Variants in SULT1B1 observed in about 807,000 individuals in gnomAD.
The protein encoded by SULT1B1 is sulfotransferase 1B1.
Under a neutral mutation model 34.6 loss-of-function variants are expected in SULT1B1, and 28 were observed. The observed-to-expected ratio is 0.81, with a 90% CI of 0.60 to 1.11. SULT1B1 has a LOEUF of 1.11. SULT1B1 is among the 50% of genes least tolerant of loss of function. SULT1B1 has a pLI of 0.00. For synonymous variants in SULT1B1, 147 were observed against 110.2 expected (o/e 1.33, Z -2.09); for missense variants, 374 against 352.2 (o/e 1.06, Z -0.50).
At chr4:69,742,208 G>T (rs954109223) in intron 4 of SULT1B1, among the ~76,000 whole-genome samples, 1 of 152,102 alleles carries the variant, frequency 6.6e-6, no homozygotes, top group African/African-American at 2.4e-5. Context: ...TTTGCATTCT[G>T]GGAATAAAGC....
rs145035611 is a variant in SULT1B1, at chr4:69,727,155, T to C, written c.824A>G (p.Glu275Gly). The C allele has an allele frequency of 6.2e-7, 1 of 1,611,996 alleles. No individual in the cohort carries two copies. Among genetic ancestry groups the C allele is most frequent in the African/African-American group, 1.3e-5 (1 of 74,904 alleles). ...TGTCTCATAAATAGCATCAAATTTC[T>C]CATTTTGGGCCACGGTGAAGTAATT... is the stretch of plus-strand genomic sequence containing the variant. Reference protein sequence around the residue: ...WKNYFTVAQNEKFDAIYETEM... With the variant: ...WKNYFTVAQNGKFDAIYETEM... Residue 275 changes from glutamate to glycine, a missense_variant, in exon 8 of 8, where the codon GAG becomes GGG. By Grantham distance (98) the Glu-to-Gly change is moderately conservative (BLOSUM62 -2). Coordinates refer to ENST00000310613, the MANE Select transcript of SULT1B1 (RefSeq NM_014465.4).
At chr4:69,746,674 G>T (rs544619934) in intron 4 of SULT1B1, among the ~76,000 whole-genome samples, 21 of 152,108 alleles carry the variant, frequency 1.4e-4, no homozygotes, top group African/African-American at 5.1e-4. Context: ...TGACATCTAG[G>T]TTCTGAATTT....
At chr4:69,756,239 AT>A (rs1220851140) in intron 1 of SULT1B1, among the ~76,000 whole-genome samples, 2 of 151,716 alleles carry the variant, frequency 1.3e-5, no homozygotes, top group South Asian at 2.1e-4. Flanking sequence ...CAATTGATTG[AT>A]TTTTTTCTCA....
At chr4:69,750,297 T>A (rs1467428858) in intron 3 of SULT1B1, among the ~76,000 whole-genome samples, 1 of 152,174 alleles carries the variant, frequency 6.6e-6, no homozygotes, top group East Asian at 1.9e-4. Flanking sequence ...TAATATCAGC[T>A]GTTTTATCTA....
chr4:69,747,837 T>C (rs75308407), intron 4 of SULT1B1, among the ~76,000 whole-genome samples: 7,070 of 152,158 alleles, frequency 0.046, 235 homozygotes, highest in East Asian at 0.092. Flanking sequence ...CAGGAATGAG[T>C]CATGGTGCTC....
At chr4:69,743,551 C>G (rs1213461072) in intron 4 of SULT1B1, among the ~76,000 whole-genome samples, 3 of 152,192 alleles carry the variant, frequency 2.0e-5, no homozygotes, top group African/African-American at 7.2e-5. Context: ...CCGGGACCCA[C>G]CCCCTTCTGC....
At chr4:69,731,021 G>A (rs556259893) in intron 6 of SULT1B1, among the ~76,000 whole-genome samples, 44 of 152,188 alleles carry the variant, frequency 2.9e-4, no homozygotes, top group African/African-American at 1.0e-3. Flanking sequence ...TAGATGGACA[G>A]GCAAATAGAG....
chr4:69,739,995 C>A (rs1394296231), intron 4 of SULT1B1, among the ~76,000 whole-genome samples: 1 of 152,156 alleles, frequency 6.6e-6, no homozygotes, highest in East Asian at 1.9e-4. Flanking sequence ...CAAAACCATT[C>A]AATAATTTTC....
In SULT1B1 at chr4:69,755,131, T is replaced by C; in HGVS notation, c.87A>G (p.Glu29=). 1.2e-6 allele frequency: 2 copies of C among 1,614,020 alleles called. No homozygotes were observed. The highest frequency in any genetic ancestry group is 8.5e-7 in the Non-Finnish European group (1 of 1,179,870). ...PMTCAFASNW[E]KIEQFHSRPD... ...GTCTGCTATGGAACTGTTCAATTTT[T>C]TCCCAGTTGCTTGCAAAAGCACAGG... is the stretch of plus-strand genomic sequence containing the variant. Residue 29 remains glutamate (E), a synonymous_variant, in exon 2 of 8, where the codon GAA becomes GAG. Transcript: ENST00000310613.
chr4:69,758,326 G>A (rs1719268237), intron 1 of SULT1B1: 1 of 985,388 alleles, frequency 1.0e-6, no homozygotes, highest in East Asian at 1.1e-4. Context: ...GATATCTTGA[G>A]AATAGTGCCC....
At chr4:69,747,374 G>A (rs1245818403) in intron 4 of SULT1B1, among the ~76,000 whole-genome samples, 1 of 152,208 alleles carries the variant, frequency 6.6e-6, no homozygotes, top group Non-Finnish European at 1.5e-5. Context: ...GGGGCTGCTG[G>A]CTGAAGAACT....
rs943049057 is a variant in SULT1B1 at position 69,725,037 on chromosome 4, A to G, written c.*2051T>C. 1 of 152,010 alleles carries G rather than the reference A, an allele frequency of 6.6e-6. No individual in the cohort carries two copies. The highest frequency in any genetic ancestry group is 1.5e-5 in the Non-Finnish European group (1 of 68,016). The allele number at this position is 152,010 out of a possible 1,614,324, so 9.4% of individuals were successfully genotyped here. A position where few individuals can be genotyped will look rare whatever the true frequency, so the allele number is the denominator to read the frequency against. On this transcript the variant is annotated 3_prime_UTR_variant, in exon 8 of 8. Transcript: ENST00000310613. ...TTGACAAATGGGATCTAATTAAACT[A>G]AAGAGCTTCTGCACAGCAAAAGAAA...
At chr4:69,744,849 G>A (rs1270061325) in intron 4 of SULT1B1, among the ~76,000 whole-genome samples, 1 of 152,126 alleles carries the variant, frequency 6.6e-6, no homozygotes, top group Admixed American at 6.5e-5. Flanking sequence ...CTAACTTCTT[G>A]ATGTAGGTAT....
rs1717715080 is a variant in SULT1B1, at chr4:69,723,438, C to T, written c.*3650G>A. 6.6e-6 allele frequency: 1 copy of T among 152,192 alleles called. No individual in the cohort carries two copies. Among genetic ancestry groups the T allele is most frequent in the African/African-American group, 2.4e-5 (1 of 41,424 alleles). 9.4% of individuals were successfully genotyped at this position (152,192 alleles called of 1,614,324 possible). The stretch of plus-strand genomic sequence containing the variant: ...CAGATAGATTCACAGCTGAATTCTA[C>T]CAGAGGTCCAAGGAGGAGCTGGTAC... On this transcript the variant is annotated 3_prime_UTR_variant, in exon 8 of 8. Transcript: ENST00000310613.
At chr4:69,730,349 T>TA in intron 7 of SULT1B1, 152 bp downstream of exon 7, 1 of 560,816 alleles carries the variant, frequency 1.8e-6, no homozygotes, top group Non-Finnish European at 3.0e-6. Flanking sequence ...TTTCATTTAA[T>TA]AATTTTGAAT....
intron 4 of SULT1B1, among the ~76,000 whole-genome samples, chr4:69,743,735 A>C (rs1718641666): frequency 6.6e-6 from 1 of 152,074 alleles, no homozygotes; most frequent in East Asian, 1.9e-4. Flanking sequence ...AGCTGTCCCA[A>C]GTGTGCACAC....
At position 69,746,993 on chromosome 4, in the gene SULT1B1, T is replaced by C. The variant is rs192386492; in HGVS notation, c.375+2728A>G. Among the ~76,000 whole-genome samples the C allele has an allele frequency of 9.2e-5, 14 of 152,342 alleles. No homozygotes were observed. The South Asian group carries it at 1.7e-3, about 18-fold the overall frequency. On this transcript the variant is annotated intron_variant, in intron 4 of 7. Transcript: ENST00000310613. ...GGCTTAATTCAGCACTCCAGGGCTA[T>C]GTGCTCTGTCTCTACGGGGCTAGAG...
At chr4:69,756,985 A>T (rs1393153840) in intron 1 of SULT1B1, among the ~76,000 whole-genome samples, 1 of 151,816 alleles carries the variant, frequency 6.6e-6, no homozygotes, top group Non-Finnish European at 1.5e-5. Context: ...ACACAGACAC[A>T]CACACACACA....
At chr4:69,733,329 A>T (rs74369610) in intron 6 of SULT1B1, 84 bp downstream of exon 6, 2 of 940,314 alleles carry the variant, frequency 2.1e-6, no homozygotes, top group South Asian at 4.2e-5. Context: ...TGGACTCGAT[A>T]GACTAAGTTG....
Sources: allele counts gnomAD v4.1 joint callset (sites outside exome capture counted in the v4.1 genomes callset), GRCh38; gene constraint gnomAD v4.1.1; transcripts MANE v1.5; gene names NCBI Gene and HGNC (gene_info 2026-07-23, HGNC 2026-07-21).